The following CPXM2 variants were observed in gnomAD, a reference collection of about 807,000 sequenced individuals.
CPXM2 encodes carboxypeptidase X, M14 family member 2.
CPXM2 carries 66 observed loss-of-function variants against 86.1 expected under a neutral mutation model. The ratio of observed to expected loss-of-function variants is 0.77; its 90% CI spans 0.63 to 0.94. CPXM2 has a LOEUF of 0.94. Among genes scored for constraint, CPXM2 ranks in the 40% least tolerant of loss-of-function variants. The pLI is 0.00. For missense variants in CPXM2, 948 were observed against 1,026.3 expected (o/e 0.92, Z 1.04); for synonymous variants, 388 against 400.2 (o/e 0.97, Z 0.36).
At chr10:123,830,806 C>T (rs1001019589) in intron 4 of CPXM2, among the ~76,000 whole-genome samples, 2 of 151,580 alleles carry the variant, frequency 1.3e-5, no homozygotes, top group African/African-American at 4.9e-5. Context: ...CTTATGTCTA[C>T]AATAAGCATG....
At chr10:123,854,305 G>A (rs919816463) in intron 3 of CPXM2, among the ~76,000 whole-genome samples, 8 of 143,512 alleles carry the variant, frequency 5.6e-5, no homozygotes, top group African/African-American at 2.1e-4. Flanking sequence ...GGCAGCACAA[G>A]CTGAGAGGCA....
chr10:123,747,653 C>T (rs1424432390), intron 13 of CPXM2, among the ~76,000 whole-genome samples: 1 of 152,098 alleles, frequency 6.6e-6, no homozygotes, highest in Non-Finnish European at 1.5e-5. Context: ...CCCATGCCTC[C>T]CAGGTAACTA....
At chr10:123,815,111 A>G (rs1471615126) in intron 4 of CPXM2, among the ~76,000 whole-genome samples, 5 of 152,242 alleles carry the variant, frequency 3.3e-5, no homozygotes, top group African/African-American at 1.2e-4. Flanking sequence ...GTGACTCTAT[A>G]CATAATACCT....
chr10:123,916,633 G>A (rs1590120907), intron 2 of CPXM2, among the ~76,000 whole-genome samples: 1 of 152,326 alleles, frequency 6.6e-6, no homozygotes, highest in Middle Eastern at 3.4e-3. Flanking sequence ...GGGACACTGT[G>A]TTCCTCTCTC....
intron 11 of CPXM2, among the ~76,000 whole-genome samples, chr10:123,761,590 G>A (rs1039974583): frequency 8.5e-5 from 13 of 152,164 alleles, no homozygotes; most frequent in African/African-American, 1.4e-4. Context: ...CACAGGCCAC[G>A]GAGTCAGAGA....
intron 12 of CPXM2, among the ~76,000 whole-genome samples, chr10:123,756,371 T>C (rs903757543): frequency 1.3e-5 from 2 of 152,204 alleles, no homozygotes; most frequent in South Asian, 2.1e-4. Flanking sequence ...GTGAATTCAC[T>C]AATGCTGCAA....
At chr10:123,922,131 C>T (rs1477617333) in intron 2 of CPXM2, among the ~76,000 whole-genome samples, 1 of 152,202 alleles carries the variant, frequency 6.6e-6, no homozygotes. Context: ...CATCCCTGAC[C>T]TCTACCCCGT....
chr10:123,914,982 C>T (rs181442490), intron 2 of CPXM2, among the ~76,000 whole-genome samples: 1 of 152,336 alleles, frequency 6.6e-6, no homozygotes, highest in Admixed American at 6.5e-5. Context: ...TGATTCTTCC[C>T]ACCCAAAGAA....
At chr10:123,902,469 G>T (rs1457549572) in intron 2 of CPXM2, among the ~76,000 whole-genome samples, 2 of 151,506 alleles carry the variant, frequency 1.3e-5, no homozygotes, top group Non-Finnish European at 2.9e-5. Context: ...GTCCATTAGG[G>T]CTGCTATAAC....
At chr10:123,814,561 G>T (rs1046200015) in intron 4 of CPXM2, among the ~76,000 whole-genome samples, 3 of 152,080 alleles carry the variant, frequency 2.0e-5, no homozygotes, top group Non-Finnish European at 4.4e-5. Flanking sequence ...TACAGATTTT[G>T]GTACTAGGAG....
Position 123,799,051 on chromosome 10 carries a change from C to A in CPXM2, c.738+64G>T, listed in dbSNP as rs1281578116. The A allele has an allele frequency of 3.2e-6, 5 of 1,571,354 alleles. No homozygotes were observed. In the African/African-American group the frequency reaches 6.7e-5, roughly 21 times the overall value. The stretch of plus-strand genomic sequence containing the variant: ...CTCCAAAGAGTTGATCATACATTGC[C>A]TCTCTTTGCAAAACCCCACCCAGCC... On this transcript the variant is annotated intron_variant, in intron 5 of 13. Transcript: ENST00000241305.
intron 3 of CPXM2, among the ~76,000 whole-genome samples, chr10:123,854,227 C>T (rs1848658519): frequency 6.7e-6 from 1 of 150,294 alleles, no homozygotes; most frequent in Non-Finnish European, 1.5e-5. Context: ...TCAGACTTTT[C>T]TGGGCCCTTC....
At chr10:123,839,703 T>C (rs1041217347) in intron 4 of CPXM2, among the ~76,000 whole-genome samples, 1 of 152,186 alleles carries the variant, frequency 6.6e-6, no homozygotes, top group African/African-American at 2.4e-5. Context: ...TAGTATTTAA[T>C]GATACTCATT....
At chr10:123,753,458 C>A (rs1235778382) in intron 13 of CPXM2, among the ~76,000 whole-genome samples, 13 of 152,214 alleles carry the variant, frequency 8.5e-5, no homozygotes. Flanking sequence ...GGGTCAGAAA[C>A]CTGAAGCCAA....
At chr10:123,847,798 G>T (rs1307101261) in intron 3 of CPXM2, among the ~76,000 whole-genome samples, 1 of 152,182 alleles carries the variant, frequency 6.6e-6, no homozygotes, top group Non-Finnish European at 1.5e-5. Flanking sequence ...TTGACTACGT[G>T]CTAGGTATTA....
chr10:123,798,784 T>C (rs183418608), intron 5 of CPXM2, among the ~76,000 whole-genome samples: 4 of 152,294 alleles, frequency 2.6e-5, no homozygotes, highest in Admixed American at 2.6e-4. Context: ...CAAATGAAGT[T>C]AGGAAACTAT....
In CPXM2 at chr10:123,885,246, C is replaced by T. The variant is rs1590101284; in HGVS notation, c.305-4937G>A. On this transcript the variant is annotated intron_variant, in intron 1 of 13. Coordinates refer to ENST00000241305, the MANE Select transcript of CPXM2 (RefSeq NM_198148.3). The surrounding 1 kb of genome is among the most constrained non-coding windows in gnomAD (Gnocchi z 4.0). ...TGGGAGGGGAGATGCCTCTGAGCTG[C>T]CCCACTCCGGAGGCTGGGAGGCTAG... 1.3e-5 allele frequency among the ~76,000 whole-genome samples: 2 copies of T among 152,122 alleles called. No individual in the cohort carries two copies. The highest frequency in any genetic ancestry group is 4.8e-5 in the African/African-American group (2 of 41,420).
chr10:123,916,092 A>AG (rs1458336216), intron 2 of CPXM2, among the ~76,000 whole-genome samples: 1 of 151,952 alleles, frequency 6.6e-6, no homozygotes, highest in African/African-American at 2.4e-5. Context: ...ATGCTTTGGG[A>AG]GAAAAAAAAA....
intron 1 of CPXM2, among the ~76,000 whole-genome samples, chr10:123,888,530 C>G (rs956135051): frequency 6.6e-6 from 1 of 152,118 alleles, no homozygotes; most frequent in African/African-American, 2.4e-5. Flanking sequence ...GAGATAAGTG[C>G]TTCTATTACA....
Sources: allele counts gnomAD v4.1 joint callset (sites outside exome capture counted in the v4.1 genomes callset), GRCh38; gene constraint gnomAD v4.1.1; non-coding constraint Gnocchi (gnomAD v3.1); transcripts MANE v1.5; gene names NCBI Gene and HGNC (gene_info 2026-07-23, HGNC 2026-07-21).